The following PLXNA1 variants were observed in gnomAD, a reference collection of about 807,000 sequenced individuals.
PLXNA1 encodes plexin A1.
In PLXNA1, 77 loss-of-function variants were observed where a neutral mutation model predicts 191.7. That is an observed-to-expected ratio of 0.40 (90% CI 0.33 to 0.49). The LOEUF is 0.49. PLXNA1 is among the 20% of genes least tolerant of loss of function. PLXNA1 has a pLI of 0.63. For missense variants in PLXNA1, 2,110 were observed against 2,660.2 expected, an observed-to-expected ratio of 0.79 and a Z score of 4.55; for synonymous variants, 1,137 against 1,156.4, an observed-to-expected ratio of 0.98 and a Z score of 0.34.
chr3:126,996,904 C>A (rs1236403103), intron 3 of PLXNA1, among the ~76,000 whole-genome samples: 1 of 152,204 alleles, frequency 6.6e-6, no homozygotes, highest in Non-Finnish European at 1.5e-5. Context: ...CTGTGACAGA[C>A]GCCACATGGA....
At chr3:127,031,568 C>G (rs905833865) in intron 29 of PLXNA1, among the ~76,000 whole-genome samples, 2 of 152,166 alleles carry the variant, frequency 1.3e-5, no homozygotes, top group Admixed American at 1.3e-4. Context: ...CTGCTGGCTC[C>G]CGGGCCAGCA....
intron 3 of PLXNA1, among the ~76,000 whole-genome samples, chr3:126,996,592 G>A (rs999081921): frequency 6.6e-6 from 1 of 152,184 alleles, no homozygotes; most frequent in Non-Finnish European, 1.5e-5. Context: ...CTGGAGCTGG[G>A]GGGGCAAGAA....
chr3:127,004,293 G>A (rs1349638642), intron 4 of PLXNA1, among the ~76,000 whole-genome samples: 2 of 152,226 alleles, frequency 1.3e-5, no homozygotes, highest in African/African-American at 4.8e-5. Context: ...CCCATTGATC[G>A]CTGGGGAAGC....
In PLXNA1 at chr3:127,012,098, C is replaced by T. The variant is rs2107630592; in HGVS notation, c.2253C>T (p.Ser751=). ...AGTGCCTCTTCCACATCCCGGGCAG[C>T]CCGGCCCGTGTCACCGCCCTGCGCT... ...GYECLFHIPG[S]PARVTALRFN... Residue 751 remains serine, a synonymous_variant, in exon 10 of 32, where the codon AGC becomes AGT. Transcript: ENST00000393409. 1 of 1,613,520 alleles carries T rather than the reference C, an allele frequency of 6.2e-7. No individual in the cohort carries two copies.
chr3:127,013,880 T>C (rs938439461), intron 10 of PLXNA1, 140 bp from the exon 11 acceptor site: 1 of 756,954 alleles, frequency 1.3e-6, no homozygotes, highest in Admixed American at 1.8e-5. Flanking sequence ...AAGTCCTGTG[T>C]AGGATGAGGG....
chr3:127,029,022 A>G lies in PLXNA1; in HGVS notation c.4699A>G (p.Ile1567Val), dbSNP rs2079192069. The change falls in exon 26 of 32, where the codon ATC (isoleucine) becomes GTC (valine). Residue 1567 changes from isoleucine to valine, a missense_variant. Physicochemically the swap from Ile to Val is conservative, Grantham distance 29. Coordinates refer to ENST00000393409, the MANE Select transcript of PLXNA1 (RefSeq NM_032242.4). ...GCGCCAGGGCCGCATGGCGCGCATC[A>G]TCCTGCAGGACGAGGACGTCACCAC... ...EWRQGRMARI[I>V]LQDEDVTTKI... The G allele has an allele frequency of 1.9e-6, 3 of 1,613,486 alleles. No homozygotes were observed. The highest frequency in any genetic ancestry group is 2.7e-5 in the African/African-American group (2 of 75,026).
At chr3:126,985,456 C>T (rs1232154169) in intron 1 of PLXNA1, among the ~76,000 whole-genome samples, 8 of 152,176 alleles carry the variant, frequency 5.3e-5, no homozygotes, top group African/African-American at 1.9e-4. Context: ...TCTGCACAGC[C>T]AGTGTTTCCC....
chr3:126,991,946 C>G (rs1392532249), intron 3 of PLXNA1, among the ~76,000 whole-genome samples: 4 of 152,168 alleles, frequency 2.6e-5, no homozygotes, highest in Non-Finnish European at 1.5e-5. Flanking sequence ...TGCTCCCCAG[C>G]CAGGAGATCC....
In PLXNA1 at chr3:126,988,837, C is replaced by G. The variant is rs867079721; in HGVS notation, c.244C>G (p.Arg82Gly). 1 of 1,613,408 alleles carries G rather than the reference C, an allele frequency of 6.2e-7. No individual in the cohort carries two copies. The highest frequency in any genetic ancestry group is 8.5e-7 in the Non-Finnish European group (1 of 1,179,980). ...YKLSGNLTLL[R>G]AHVTGPVEDN... ...GCTGTCGGGGAACCTGACACTGCTGCGGGCCCACGTCACGGGCCCTGTGGA... is the reference window on the plus strand; with the variant it reads ...GCTGTCGGGGAACCTGACACTGCTGGGGGCCCACGTCACGGGCCCTGTGGA... Residue 82 changes from arginine to glycine, a missense_variant, in exon 2 of 32, where the codon CGG becomes GGG. Physicochemically the swap from Arg to Gly is moderately radical, Grantham distance 125. Transcript: ENST00000393409.
chr3:127,008,430 T>C (rs956022908), intron 9 of PLXNA1, among the ~76,000 whole-genome samples: 23 of 152,026 alleles, frequency 1.5e-4, no homozygotes, highest in African/African-American at 5.6e-4. Flanking sequence ...AGTAATTAAG[T>C]AGTAATTATT....
chr3:127,035,481 C>G lies in PLXNA1; in HGVS notation c.*1464C>G, dbSNP rs1405983097. On this transcript the variant is annotated 3_prime_UTR_variant, in exon 32 of 32. Transcript: ENST00000393409. ...GACAAGGAAAGGACTTCCTGCTGAC[C>G]CTGAGAGCCTCTGGGGTGCCGCGGC... 3.9e-5 allele frequency: 6 copies of G among 152,476 alleles called. No individual in the cohort carries two copies. The highest frequency in any genetic ancestry group is 8.8e-5 in the Non-Finnish European group (6 of 68,030). 9.4% of individuals were successfully genotyped at this position (152,476 alleles called of 1,614,324 possible).
chr3:127,009,554 C>T (rs1361230412), intron 9 of PLXNA1, among the ~76,000 whole-genome samples: 2 of 151,664 alleles, frequency 1.3e-5, no homozygotes, highest in African/African-American at 2.4e-5. Flanking sequence ...TGGCAGTCCC[C>T]CCCCAACCCC....
At chr3:127,003,531 C>T in intron 4 of PLXNA1, 61 bp downstream of exon 4, 2 of 1,531,570 alleles carry the variant, frequency 1.3e-6, no homozygotes, top group Middle Eastern at 1.7e-4. Flanking sequence ...CCAGGAACCC[C>T]AGTCACAGAG....
At chr3:126,995,124 G>T (rs905036369) in intron 3 of PLXNA1, among the ~76,000 whole-genome samples, 1 of 152,174 alleles carries the variant, frequency 6.6e-6, no homozygotes, top group South Asian at 2.1e-4. Flanking sequence ...AACTGTTGGG[G>T]TGTGAAATTG....
chr3:127,028,128 C>A (rs1185290097), intron 24 of PLXNA1, 42 bp downstream of exon 24: 1 of 1,612,986 alleles, frequency 6.2e-7, no homozygotes. Flanking sequence ...CTGGTGCCCC[C>A]CACCCCCCAG....
At chr3:127,010,970 G>A (rs2079092672) in intron 9 of PLXNA1, among the ~76,000 whole-genome samples, 1 of 152,198 alleles carries the variant, frequency 6.6e-6, no homozygotes, top group Non-Finnish European at 1.5e-5. Context: ...TCAGTGCCCT[G>A]AGCCACCCGT....
intron 7 of PLXNA1, 67 bp downstream of exon 7, chr3:127,005,310 C>T (rs1414160696): frequency 2.0e-6 from 3 of 1,514,022 alleles, no homozygotes; most frequent in African/African-American, 2.8e-5. Flanking sequence ...CAGTTGCCGC[C>T]TGTTTAGCGC....
intron 20 of PLXNA1, 44 bp downstream of exon 20, chr3:127,018,572 G>C: frequency 6.7e-7 from 1 of 1,502,674 alleles, no homozygotes; most frequent in African/African-American, 1.4e-5. Context: ...CCACCTCCGA[G>C]CCAGGCCCTG....
rs147620923 is a variant in PLXNA1 at position 127,029,015 on chromosome 3, G to A, written c.4692G>A (p.Ala1564=). 1.6e-4 allele frequency: 251 copies of A among 1,613,296 alleles called. 2 individuals carry two copies. The highest frequency in any genetic ancestry group is 9.2e-4 in the Admixed American group (55 of 60,014). Residue 1564 remains alanine (A), a synonymous_variant, in exon 26 of 32, where the codon GCG becomes GCA. Transcript: ENST00000393409. ...MDLEWRQGRM[A]RIILQDEDVT... ...CAGAGTGGCGCCAGGGCCGCATGGC[G>A]CGCATCATCCTGCAGGACGAGGACG...
Sources: allele counts gnomAD v4.1 joint callset (sites outside exome capture counted in the v4.1 genomes callset), GRCh38; gene constraint gnomAD v4.1.1; transcripts MANE v1.5; gene names NCBI Gene and HGNC (gene_info 2026-07-23, HGNC 2026-07-21).